CLIC6: variants seen among roughly 807,000 people sequenced by gnomAD.
CLIC6 encodes CLIC family member 6.
CLIC6 carries 39 observed loss-of-function variants against 49.2 expected under a neutral mutation model. That is an observed-to-expected ratio of 0.79 (90% CI 0.61 to 1.04). The LOEUF is 1.04. Among genes scored for constraint, CLIC6 ranks in the 50% least tolerant of loss-of-function variants. The pLI, the probability that CLIC6 is intolerant of heterozygous loss-of-function variation, is 0.00. For synonymous variants in CLIC6, 446 were observed against 433.4 expected, an observed-to-expected ratio of 1.03 and a Z score of -0.36; for missense variants, 988 against 993.1, an observed-to-expected ratio of 0.99 and a Z score of 0.07.
At chr21:34,705,945 G>T in intron 1 of CLIC6, 1 of 571,988 alleles carries the variant, frequency 1.7e-6, no homozygotes, top group Non-Finnish European at 3.1e-6. Context: ...ACATTCCTAG[G>T]CCCCATGCAG....
chr21:34,669,989 G>A lies in CLIC6; in HGVS notation c.601G>A (p.Asp201Asn), dbSNP rs552680215. 3 of 1,384,806 alleles carry A rather than the reference G, an allele frequency of 2.2e-6. No homozygotes were observed. The African/African-American group carries it at 4.6e-5, about 21-fold the overall frequency. The allele number at this position is 1,384,806 out of a possible 1,614,324, so 85.8% of individuals were successfully genotyped here. A position where few individuals can be genotyped will look rare whatever the true frequency, so the allele number is the denominator to read the frequency against. ...GGAAGGTCCGGCGGGGGACAGCGTA[G>A]ACGCGGAGGGCCCGCTGGGGGACAA... ...DAEGPAGDSV[D>N]AEGPLGDNIQ... is the part of the protein sequence containing the mutation. The change falls in exon 1 of 6, where the codon GAC (aspartate) becomes AAC (asparagine). Residue 201 changes from aspartate to asparagine, a missense_variant. Around this residue, in one of 3 missense-constraint regions of CLIC6, gnomAD observed 57 missense variants for 117.6 expected, o/e 0.48. Transcript: ENST00000349499.
chr21:34,708,729 A>G lies in CLIC6; in HGVS notation c.1640A>G (p.Glu547Gly), dbSNP rs145827212. The G allele has an allele frequency of 6.2e-7, 1 of 1,614,150 alleles. No individual in the cohort carries two copies. Among genetic ancestry groups the G allele is most frequent in the African/African-American group, 1.3e-5 (1 of 75,052 alleles). The part of the protein sequence containing the change: ...RYPKLGTQHP[E>G]SNSAGNDVFA... ...CCCAAGCTGGGGACCCAACATCCCG[A>G]ATCTAATTCCGCAGGAAATGACGTG... Residue 547 changes from glutamate (E) to glycine (G), a missense_variant, in exon 4 of 6, where the codon GAA becomes GGA. Physicochemically the swap from Glu to Gly is moderately conservative, Grantham distance 98. Transcript: ENST00000349499.
At chr21:34,691,128 A>G (rs1439820620) in intron 1 of CLIC6, among the ~76,000 whole-genome samples, 1 of 152,232 alleles carries the variant, frequency 6.6e-6, no homozygotes, top group Non-Finnish European at 1.5e-5. Context: ...GCTAACTTCT[A>G]CAGGGAGGTA....
chr21:34,716,266 G>A (rs1380047788), intron 5 of CLIC6, 55 bp from the exon 6 acceptor site: 12 of 1,461,540 alleles, frequency 8.2e-6, no homozygotes, highest in Non-Finnish European at 1.1e-5. Flanking sequence ...TGTCTGACTT[G>A]GGAGCCTACC....
Position 34,669,822 on chromosome 21 carries a change from C to A in CLIC6, c.434C>A (p.Pro145His). The A allele has an allele frequency of 7.1e-7, 1 of 1,417,786 alleles. No homozygotes were observed. Among genetic ancestry groups the A allele is most frequent in the Admixed American group, 3.0e-5 (1 of 33,014 alleles). 87.8% of individuals were successfully genotyped at this position (1,417,786 alleles called of 1,614,324 possible). A position where few individuals can be genotyped will look rare whatever the true frequency, so the allele number is the denominator to read the frequency against. The change falls in exon 1 of 6, where the codon CCT becomes CAT. Residue 145 changes from proline to histidine, a missense_variant. By Grantham distance (77) the Pro-to-His change is moderately conservative (BLOSUM62 -2). Around this residue, in one of 3 missense-constraint regions of CLIC6, gnomAD observed 284 missense variants for 278.6 expected, o/e 1.02. Transcript: ENST00000349499. Reference sequence around the variant, plus strand: ...AGGCAGGAGGAGGCGGAGCAGAGGCCTGAGGTCCCGGAAGGTAGCGCGTCC... The same window carrying A: ...AGGCAGGAGGAGGCGGAGCAGAGGCATGAGGTCCCGGAAGGTAGCGCGTCC... Reference protein sequence around the residue: ...PERQEEAEQRPEVPEGSASGE... With the variant: ...PERQEEAEQRHEVPEGSASGE...
In CLIC6 at chr21:34,670,015, C is replaced by T. The variant is rs1601253903; in HGVS notation, c.627C>T (p.Asn209=). Residue 209 remains asparagine, a synonymous_variant, in exon 1 of 6, where the codon AAC becomes AAT. Coordinates refer to ENST00000349499, the MANE Select transcript of CLIC6 (RefSeq NM_053277.3). The part of the protein sequence containing the change: ...SVDAEGPLGD[N]IQAEGPAGDS... ...ACGCGGAGGGCCCGCTGGGGGACAA[C>T]ATACAAGCCGAGGGCCCGGCGGGGG... 7.3e-7 allele frequency: 1 copy of T among 1,374,186 alleles called. No individual in the cohort carries two copies. Among genetic ancestry groups the T allele is most frequent in the South Asian group, 1.7e-5 (1 of 58,880 alleles). The allele number at this position is 1,374,186 out of a possible 1,614,324, so 85.1% of individuals were successfully genotyped here.
intron 1 of CLIC6, among the ~76,000 whole-genome samples, chr21:34,705,772 A>G (rs1178761154): frequency 6.6e-6 from 1 of 152,002 alleles, no homozygotes; most frequent in Non-Finnish European, 1.5e-5. Flanking sequence ...TTATCAATGG[A>G]TCATCCAATT....
rs755257750 is a variant in CLIC6, at chr21:34,669,949, G to A, written c.561G>A (p.Gly187=). ...GCGTAGAGGCGGAGGGCCGGGTGGG[G>A]GACAGCGTAGACGCGGAAGGTCCGG... The part of the protein sequence containing the change: ...GDSVEAEGRV[G]DSVDAEGPAG... Residue 187 remains glycine (G), a synonymous_variant, in exon 1 of 6, where the codon GGG becomes GGA. Coordinates refer to ENST00000349499, the MANE Select transcript of CLIC6 (RefSeq NM_053277.3). 1 of 1,381,746 alleles carries A rather than the reference G, an allele frequency of 7.2e-7. No homozygotes were observed. The highest frequency in any genetic ancestry group is 9.3e-7 in the Non-Finnish European group (1 of 1,075,864). 85.6% of individuals were successfully genotyped at this position (1,381,746 alleles called of 1,614,324 possible). A position where few individuals can be genotyped will look rare whatever the true frequency, so the allele number is the denominator to read the frequency against.
chr21:34,713,403 CAAAT>C (rs576472968), intron 5 of CLIC6, among the ~76,000 whole-genome samples: 54 of 152,110 alleles, frequency 3.6e-4, no homozygotes, highest in Non-Finnish European at 6.9e-4. Flanking sequence ...AAAGTAAAGA[CAAAT>C]AAAAGAACTG....
chr21:34,711,617 G>A (rs1033301280), intron 5 of CLIC6, among the ~76,000 whole-genome samples: 2 of 152,056 alleles, frequency 1.3e-5, no homozygotes, highest in Non-Finnish European at 2.9e-5. Flanking sequence ...GCTCCTGTGG[G>A]CTCCCGGCCA....
At chr21:34,698,753 A>C (rs1415493788) in intron 1 of CLIC6, among the ~76,000 whole-genome samples, 1 of 152,226 alleles carries the variant, frequency 6.6e-6, no homozygotes, top group African/African-American at 2.4e-5. Context: ...GCCTGGGAGC[A>C]CTGTGATTCC....
At chr21:34,707,458 CACACACACACA>C in intron 2 of CLIC6, 69 bp downstream of exon 2, 1 of 944,446 alleles carries the variant, frequency 1.1e-6, no homozygotes, top group Non-Finnish European at 1.7e-6. Flanking sequence ...CACACACACA[CACACACACACA>C]CCTGAGGCCA....
chr21:34,707,437 G>GCGCACACA (rs377729991), intron 2 of CLIC6, 48 bp downstream of exon 2: 2 of 735,926 alleles, frequency 2.7e-6, no homozygotes, highest in Admixed American at 2.1e-5. Flanking sequence ...CTAGTTCTCT[G>GCGCACACA]CACACACACA....
chr21:34,670,743 A>T lies in CLIC6; in HGVS notation c.1355A>T (p.Asp452Val), dbSNP rs768498822. ...SEPRALGQEHDITLFVKAGYD... is the reference protein window; with the variant it reads ...SEPRALGQEHVITLFVKAGYD... ...CCCCGGGCCCTGGGGCAGGAGCACG[A>T]CATCACCCTCTTCGTCAAGGTAAAG... is the stretch of plus-strand genomic sequence containing the variant. The change falls in exon 1 of 6, where the codon GAC becomes GTC. Residue 452 changes from aspartate to valine, a missense_variant. Around this residue, in one of 3 missense-constraint regions of CLIC6, gnomAD observed 647 missense variants for 596.9 expected, o/e 1.08. Coordinates refer to ENST00000349499, the MANE Select transcript of CLIC6 (RefSeq NM_053277.3). 337 of 1,600,230 alleles carry T rather than the reference A, an allele frequency of 2.1e-4. No individual in the cohort carries two copies. The highest frequency in any genetic ancestry group is 4.9e-4 in the Middle Eastern group (3 of 6,070).
chr21:34,711,544 T>C (rs200312278), intron 5 of CLIC6, among the ~76,000 whole-genome samples: 20 of 39,920 alleles, frequency 5.0e-4, no homozygotes, highest in African/African-American at 1.8e-3. Context: ...AATAAATAAA[T>C]AAATAAATAA....
intron 1 of CLIC6, among the ~76,000 whole-genome samples, chr21:34,678,496 C>G (rs1406434839): frequency 6.6e-6 from 1 of 151,454 alleles, no homozygotes; most frequent in African/African-American, 2.4e-5. Context: ...TCATCTGGGG[C>G]TAGATACAAT....
chr21:34,697,924 CTT>C (rs1052238688), intron 1 of CLIC6, among the ~76,000 whole-genome samples: 9 of 151,914 alleles, frequency 5.9e-5, no homozygotes, highest in African/African-American at 2.2e-4. Context: ...GTTTTGCTGT[CTT>C]TATAGGAGCT....
intron 5 of CLIC6, among the ~76,000 whole-genome samples, chr21:34,710,961 G>A (rs946029244): frequency 9.2e-5 from 14 of 152,208 alleles, no homozygotes; most frequent in African/African-American, 3.1e-4. Flanking sequence ...CTCTGTAGCT[G>A]TTGCTGTCTC....
chr21:34,700,446 C>CAAAAAA (rs530221942), intron 1 of CLIC6, among the ~76,000 whole-genome samples: 1 of 64,882 alleles, frequency 1.5e-5, no homozygotes, highest in African/African-American at 6.4e-5. Context: ...GACTCCGTCT[C>CAAAAAA]AAAAAAAAAA....
Sources: allele counts gnomAD v4.1 joint callset (sites outside exome capture counted in the v4.1 genomes callset), GRCh38; gene constraint gnomAD v4.1.1; regional missense constraint gnomAD v4.1.1; transcripts MANE v1.5; gene names NCBI Gene and HGNC (gene_info 2026-07-23, HGNC 2026-07-21).